The following SLC5A4 variants were observed in gnomAD, a reference collection of about 807,000 sequenced individuals.
The protein encoded by SLC5A4 is solute carrier family 5 member 4.
Under a neutral mutation model 70.3 loss-of-function variants are expected in SLC5A4, and 55 were observed. That is an observed-to-expected ratio of 0.78 (90% confidence interval 0.63 to 0.98). The LOEUF (loss-of-function observed/expected upper bound fraction) is 0.98. Among genes scored for constraint, SLC5A4 ranks in the 50% least tolerant of loss-of-function variants. SLC5A4 has a pLI of 0.00. For missense variants in SLC5A4, 735 were observed against 839.2 expected (o/e 0.88, Z 1.53); for synonymous variants, 268 against 305.7 (o/e 0.88, Z 1.29).
At chr22:32,331,592 G>A in the SLC5A4 span, among the ~76,000 whole-genome samples, 1 of 152,148 alleles carries the variant, frequency 6.6e-6, no homozygotes, top group Admixed American at 6.5e-5. Flanking sequence ...CAAGCGGTGG[G>A]GTGGAGATGA....
the SLC5A4 span, among the ~76,000 whole-genome samples, chr22:32,313,730 C>T: frequency 5.9e-5 from 9 of 152,232 alleles, no homozygotes; most frequent in Admixed American, 5.9e-4. Flanking sequence ...TACTTACCTT[C>T]CCAGACTCCC....
chr22:32,304,512 G>A, the SLC5A4 span, among the ~76,000 whole-genome samples: 1 of 151,796 alleles, frequency 6.6e-6, no homozygotes, highest in Non-Finnish European at 1.5e-5. Context: ...CTTCTGGGCT[G>A]AAGTGACCTT....
the SLC5A4 span, among the ~76,000 whole-genome samples, chr22:32,319,807 A>T: frequency 6.6e-6 from 1 of 152,218 alleles, no homozygotes. Context: ...TATTTCACAT[A>T]AACATTTTAA....
chr22:32,219,347 G>C (rs1403787578), intron 14 of SLC5A4, among the ~76,000 whole-genome samples: 1 of 151,946 alleles, frequency 6.6e-6, no homozygotes, highest in Non-Finnish European at 1.5e-5. Context: ...AGCTTACACT[G>C]GCAAAAATAC....
chr22:32,277,713 A>G, the SLC5A4 span, among the ~76,000 whole-genome samples: 1 of 151,986 alleles, frequency 6.6e-6, no homozygotes, highest in African/African-American at 2.4e-5. Context: ...ATGCCTGGCT[A>G]ATTTTTTGTA....
chr22:32,326,174 G>C, the SLC5A4 span, among the ~76,000 whole-genome samples: 1 of 152,196 alleles, frequency 6.6e-6, no homozygotes, highest in Admixed American at 6.5e-5. Flanking sequence ...CATTCCAGGT[G>C]AACTGGAGAC....
the SLC5A4 span, among the ~76,000 whole-genome samples, chr22:32,314,853 T>G: frequency 1.9e-3 from 291 of 152,152 alleles, 2 homozygotes; most frequent in African/African-American, 6.7e-3. Flanking sequence ...GCAGGAAAAT[T>G]CCCATCAGAC....
chr22:32,265,529 A>G, the SLC5A4 span, among the ~76,000 whole-genome samples: 1 of 152,220 alleles, frequency 6.6e-6, no homozygotes, highest in Admixed American at 6.5e-5. Flanking sequence ...TCCAATAGTA[A>G]TTATTTGTTG....
Position 32,255,301 on chromosome 22 carries a change from A to G in SLC5A4, c.29T>C (p.Ile10Thr), listed in dbSNP as rs1382358092. The G allele has an allele frequency of 3.1e-6, 5 of 1,614,128 alleles. No individual in the cohort carries two copies. Among genetic ancestry groups the G allele is most frequent in the East Asian group, 2.2e-5 (1 of 44,882 alleles). MASTVSPST[I>T]AETPEPPPLS... ...TGGAGGTGGCTCTGGGGTCTCAGCT[A>G]TGGTGCTGGGGCTAACCGTACTGGC... The change falls in exon 1 of 15, where the codon ATA becomes ACA. Residue 10 changes from isoleucine (I) to threonine (T), a missense_variant. By Grantham distance (89) the Ile-to-Thr change is moderately conservative. Transcript: ENST00000266086.
the SLC5A4 span, among the ~76,000 whole-genome samples, chr22:32,351,190 T>C: frequency 6.6e-6 from 1 of 152,188 alleles, no homozygotes; most frequent in African/African-American, 2.4e-5. Context: ...TGGAACTTAT[T>C]ACCTCCATGC....
At chr22:32,254,245 G>T in intron 1 of SLC5A4, 32 bp from the exon 2 acceptor site, 1 of 1,563,684 alleles carries the variant, frequency 6.4e-7, no homozygotes, top group Non-Finnish European at 8.8e-7. Context: ...TGAGGGTCAA[G>T]CCCCAGCAAG....
chr22:32,306,693 G>T, the SLC5A4 span, among the ~76,000 whole-genome samples: 1 of 152,104 alleles, frequency 6.6e-6, no homozygotes, highest in East Asian at 1.9e-4. Flanking sequence ...GGCTGGCCCT[G>T]GGGAGGACAC....
chr22:32,344,186 T>A, the SLC5A4 span, among the ~76,000 whole-genome samples: 1 of 152,132 alleles, frequency 6.6e-6, no homozygotes, highest in Non-Finnish European at 1.5e-5. Flanking sequence ...TGAGTCAGTG[T>A]GATATCCACA....
the SLC5A4 span, among the ~76,000 whole-genome samples, chr22:32,303,920 T>C: frequency 1.6e-4 from 25 of 152,358 alleles, no homozygotes; most frequent in Non-Finnish European, 3.1e-4. Flanking sequence ...CCCACAGCAG[T>C]GAATGAGAGC....
chr22:32,312,143 T>C, the SLC5A4 span, among the ~76,000 whole-genome samples: 1 of 151,984 alleles, frequency 6.6e-6, no homozygotes, highest in African/African-American at 2.4e-5. Flanking sequence ...AGGAATGAAT[T>C]CTGTAAGAAC....
At chr22:32,304,011 A>C in the SLC5A4 span, among the ~76,000 whole-genome samples, 25 of 152,312 alleles carry the variant, frequency 1.6e-4, no homozygotes, top group African/African-American at 5.3e-4. Flanking sequence ...GTGTCATGGT[A>C]TCTCATTGTT....
the SLC5A4 span, among the ~76,000 whole-genome samples, chr22:32,344,384 A>G: frequency 1.3e-5 from 2 of 152,148 alleles, no homozygotes; most frequent in African/African-American, 2.4e-5. Context: ...ACATGTCCCC[A>G]GCTCTTATTT....
the SLC5A4 span, among the ~76,000 whole-genome samples, chr22:32,297,142 T>G: frequency 6.6e-6 from 1 of 152,220 alleles, no homozygotes; most frequent in Admixed American, 6.5e-5. Context: ...CTGCCTGGCT[T>G]TGGTATCAGA....
chr22:32,300,350 A>G, the SLC5A4 span, among the ~76,000 whole-genome samples: 2 of 151,686 alleles, frequency 1.3e-5, no homozygotes, highest in African/African-American at 4.8e-5. Context: ...GGTGCGGGAT[A>G]TAATCTCGTG....
Sources: allele counts gnomAD v4.1 joint callset (sites outside exome capture counted in the v4.1 genomes callset), GRCh38; gene constraint gnomAD v4.1.1; transcripts MANE v1.5; gene names NCBI Gene and HGNC (gene_info 2026-07-23, HGNC 2026-07-21).